Variants in LYRM4 observed in about 807,000 individuals in gnomAD.
The protein encoded by LYRM4 is LYR motif containing 4, also known as LYR motif-containing protein 4.
Under a neutral mutation model 11.7 loss-of-function variants are expected in LYRM4, and 9 were observed. The ratio of observed to expected loss-of-function variants is 0.77; its 90% CI spans 0.46 to 1.34. The LOEUF (loss-of-function observed/expected upper bound fraction) is 1.34. LYRM4 is among the 40% of genes most tolerant of loss of function. The pLI is 0.00. For synonymous variants in LYRM4, 42 were observed against 40.4 expected, an observed-to-expected ratio of 1.04 and a Z score of -0.15; for missense variants, 133 against 112.5, an observed-to-expected ratio of 1.18 and a Z score of -0.82.
chr6:5,125,145 C>T (rs1390226392), intron 2 of LYRM4, among the ~76,000 whole-genome samples: 1 of 152,184 alleles, frequency 6.6e-6, no homozygotes, highest in Non-Finnish European at 1.5e-5. Flanking sequence ...GGGCCTGTGC[C>T]CCACCTTGCT....
chr6:5,050,982 CAG>C, the LYRM4 span, among the ~76,000 whole-genome samples: 10 of 152,040 alleles, frequency 6.6e-5, no homozygotes, highest in Admixed American at 2.0e-4. Context: ...AATAAAGAGA[CAG>C]AAAACACAAA....
the LYRM4 span, among the ~76,000 whole-genome samples, chr6:5,096,737 TGTG>T: frequency 2.6e-5 from 4 of 152,198 alleles, no homozygotes; most frequent in Non-Finnish European, 5.9e-5. Context: ...TATAGATTGT[TGTG>T]AGCACTGAGG....
the LYRM4 span, chr6:5,053,947 TAAGA>T: frequency 5.9e-6 from 1 of 169,258 alleles, no homozygotes; most frequent in Non-Finnish European, 1.2e-5. Flanking sequence ...TAATTGAACT[TAAGA>T]TAGTCTGGTT....
chr6:5,180,973 T>C (rs779352516), intron 2 of LYRM4, among the ~76,000 whole-genome samples: 7 of 152,206 alleles, frequency 4.6e-5, no homozygotes, highest in Non-Finnish European at 7.3e-5. Context: ...ATTGAACCCT[T>C]TTCACTTTTC....
At chr6:5,130,949 C>T (rs1438186597) in intron 2 of LYRM4, among the ~76,000 whole-genome samples, 1 of 151,884 alleles carries the variant, frequency 6.6e-6, no homozygotes, top group Non-Finnish European at 1.5e-5. Context: ...TACATAATAA[C>T]ATAAGACAGA....
downstream of LYRM4, among the ~76,000 whole-genome samples, chr6:5,098,862 G>A (rs1762415953): frequency 6.6e-6 from 1 of 152,162 alleles, no homozygotes; most frequent in South Asian, 2.1e-4. Flanking sequence ...CCACTTTCCT[G>A]GATGACTTTA....
chr6:5,183,128 C>T (rs994937496), intron 2 of LYRM4, among the ~76,000 whole-genome samples: 3 of 152,176 alleles, frequency 2.0e-5, no homozygotes, highest in South Asian at 2.1e-4. Context: ...CTACAGCCAA[C>T]GTGTATTTAT....
At chr6:5,219,913 A>C (rs950056715) in intron 1 of LYRM4, among the ~76,000 whole-genome samples, 11 of 152,200 alleles carry the variant, frequency 7.2e-5, no homozygotes, top group African/African-American at 2.4e-4. Flanking sequence ...ACTAACGCAG[A>C]AAGGGCAACA....
At chr6:5,075,968 T>G in the LYRM4 span, among the ~76,000 whole-genome samples, 3 of 151,460 alleles carry the variant, frequency 2.0e-5, no homozygotes, top group African/African-American at 7.3e-5. Flanking sequence ...AACAGGGTTC[T>G]CAGAAAAAAC....
chr6:5,050,199 G>A, the LYRM4 span, among the ~76,000 whole-genome samples: 1 of 152,220 alleles, frequency 6.6e-6, no homozygotes, highest in Non-Finnish European at 1.5e-5. Flanking sequence ...GGGAAGACTT[G>A]GGTGGTAAAT....
chr6:5,122,722 C>T (rs1419382761), intron 2 of LYRM4, among the ~76,000 whole-genome samples: 3 of 152,318 alleles, frequency 2.0e-5, no homozygotes, highest in South Asian at 2.1e-4. Context: ...CCTACCTCTG[C>T]GCTCGTGGGC....
intron 1 of LYRM4, among the ~76,000 whole-genome samples, chr6:5,235,856 A>C (rs1481262172): frequency 6.6e-6 from 1 of 152,226 alleles, no homozygotes; most frequent in East Asian, 1.9e-4. Context: ...ACTGACTGCC[A>C]CTGGAAAAAG....
the LYRM4 span, among the ~76,000 whole-genome samples, chr6:5,069,140 A>C: frequency 1.3e-5 from 2 of 152,190 alleles, no homozygotes; most frequent in Admixed American, 6.5e-5. Flanking sequence ...TTGTATACTT[A>C]AGCTGTTCCA....
chr6:5,058,946 GATGAAAAGCATACACA>G, the LYRM4 span, among the ~76,000 whole-genome samples: 2 of 152,190 alleles, frequency 1.3e-5, no homozygotes, highest in Non-Finnish European at 2.9e-5. Context: ...AATGGAAAGA[GATGAAAAGCATACACA>G]ATGAAAAGCA....
chr6:5,228,666 T>TA (rs1485685938), intron 1 of LYRM4, among the ~76,000 whole-genome samples: 2 of 152,182 alleles, frequency 1.3e-5, no homozygotes, highest in Non-Finnish European at 2.9e-5. Flanking sequence ...CTTAATGGTT[T>TA]AAATATCTTT....
intron 2 of LYRM4, among the ~76,000 whole-genome samples, chr6:5,156,294 G>A (rs1159208060): frequency 6.6e-6 from 1 of 152,210 alleles, no homozygotes; most frequent in Non-Finnish European, 1.5e-5. Context: ...TGTGCTTCAG[G>A]TGGAGAGCCC....
intron 2 of LYRM4, among the ~76,000 whole-genome samples, chr6:5,111,275 TA>T (rs1313555181): frequency 6.6e-6 from 1 of 152,242 alleles, no homozygotes; most frequent in African/African-American, 2.4e-5. Context: ...AACAGTTTTG[TA>T]TAACAGCTGG....
At chr6:5,118,094 A>ATATATATAT in intron 2 of LYRM4, among the ~76,000 whole-genome samples, 14 of 86,114 alleles carry the variant, frequency 1.6e-4, no homozygotes, top group African/African-American at 3.5e-4. Flanking sequence ...ATATATATAT[A>ATATATATAT]TTTTTGTTTT....
Position 5,260,876 on chromosome 6 carries a change from A to C in LYRM4, c.-143T>G. 1 of 1,442,070 alleles carries C rather than the reference A, an allele frequency of 6.9e-7. No homozygotes were observed. Among genetic ancestry groups the C allele is most frequent in the South Asian group, 1.4e-5 (1 of 69,722 alleles). 89.3% of individuals were successfully genotyped at this position (1,442,070 alleles called of 1,614,324 possible). On this transcript the variant is annotated 5_prime_UTR_variant, in exon 1 of 3. Transcript: ENST00000330636. Reference sequence around the variant, plus strand: ...TTGCCAGCGGGCCGGGCCTAAGCCTAAGCGGGCAGCCCTGCGGATCGCGGA... The same window carrying C: ...TTGCCAGCGGGCCGGGCCTAAGCCTCAGCGGGCAGCCCTGCGGATCGCGGA...
Sources: gnomAD v4.1 joint callset for allele counts (sites outside exome capture counted in the v4.1 genomes callset) on GRCh38, gnomAD v4.1.1 for gene constraint, MANE v1.5 for transcripts, NCBI Gene and HGNC (gene_info 2026-07-23, HGNC 2026-07-21) for gene names.